Variants in MYOF observed in about 807,000 individuals in gnomAD.
MYOF encodes fer-1-like 3, myoferlin.
MYOF carries 244 observed loss-of-function variants against 284.2 expected under a neutral mutation model. That is an observed-to-expected ratio of 0.86 (90% CI 0.77 to 0.95). The LOEUF (loss-of-function observed/expected upper bound fraction) is 0.95. Ranked by LOEUF, MYOF falls within the 40% of genes least tolerant of loss-of-function variation. The probability of loss-of-function intolerance (pLI) is 0.00; values close to 1 mark genes in which losing one functional copy is unlikely to be tolerated. For synonymous variants in MYOF, 904 were observed against 919.7 expected, an observed-to-expected ratio of 0.98 and a Z score of 0.31; for missense variants, 2,496 against 2,560.6, an observed-to-expected ratio of 0.97 and a Z score of 0.54.
intron 24 of MYOF, among the ~76,000 whole-genome samples, chr10:93,370,314 A>ATTTTTTTTTT (rs916555324): frequency 2.2e-4 from 27 of 122,420 alleles, no homozygotes; most frequent in African/African-American, 7.8e-4. Context: ...ATGATTACTA[A>ATTTTTTTTTT]TTTTTTTTTT....
intron 1 of MYOF, among the ~76,000 whole-genome samples, chr10:93,475,456 A>AT: frequency 6.6e-6 from 1 of 152,224 alleles, no homozygotes; most frequent in Non-Finnish European, 1.5e-5. Context: ...GGTTGTACTC[A>AT]GGGTTCATGA....
At chr10:93,332,740 G>A (rs1486743354) in intron 43 of MYOF, among the ~76,000 whole-genome samples, 3 of 152,050 alleles carry the variant, frequency 2.0e-5, no homozygotes, top group South Asian at 2.1e-4. Flanking sequence ...CCAGCTACTC[G>A]GGAGGCTGAG....
At chr10:93,315,394 G>T (rs1199881451) in intron 50 of MYOF, among the ~76,000 whole-genome samples, 1 of 152,182 alleles carries the variant, frequency 6.6e-6, no homozygotes, top group African/African-American at 2.4e-5. Flanking sequence ...GACATTGCTA[G>T]AATGGAGTGG....
Position 93,340,121 on chromosome 10 carries a change from C to T in MYOF, c.4338+32G>A, listed in dbSNP as rs199797735. Reference sequence around the variant, plus strand: ...AATTCTGGGCAGAAAATACATGAATCTTAAATGTAGCAAAATGTATACCAT... The same window carrying T: ...AATTCTGGGCAGAAAATACATGAATTTTAAATGTAGCAAAATGTATACCAT... On this transcript the variant is annotated intron_variant, in intron 39 of 53. Transcript: ENST00000359263. 689 of 1,612,428 alleles carry T rather than the reference C, an allele frequency of 4.3e-4. 3 individuals carry two copies. The African/African-American group carries it at 8.4e-3, about 20-fold the overall frequency.
At chr10:93,347,507 G>A (rs2133871545) in intron 37 of MYOF, 110 bp downstream of exon 37, 2 of 1,007,444 alleles carry the variant, frequency 2.0e-6, no homozygotes, top group Non-Finnish European at 2.6e-6. Flanking sequence ...AGCCGAGATT[G>A]CGCCACTGCA....
intron 4 of MYOF, among the ~76,000 whole-genome samples, chr10:93,426,882 G>GT (rs1564709386): frequency 1.1e-5 from 1 of 93,352 alleles, no homozygotes; most frequent in African/African-American, 3.0e-5. Context: ...GAACGAGACT[G>GT]TCTTTTTTTT....
chr10:93,425,092 C>T (rs1307121959), intron 5 of MYOF, among the ~76,000 whole-genome samples: 3 of 151,994 alleles, frequency 2.0e-5, no homozygotes, highest in Admixed American at 2.0e-4. Flanking sequence ...GCCTTCACCA[C>T]CACACCTGGC....
intron 20 of MYOF, among the ~76,000 whole-genome samples, chr10:93,380,377 C>T (rs1846057300): frequency 6.6e-6 from 1 of 152,082 alleles, no homozygotes; most frequent in African/African-American, 2.4e-5. Context: ...GGAACTGGGG[C>T]AAAAGAAAAG....
intron 37 of MYOF, 44 bp downstream of exon 37, chr10:93,347,573 A>G (rs1254939961): frequency 4.7e-6 from 7 of 1,474,724 alleles, no homozygotes; most frequent in African/African-American, 1.4e-5. Context: ...AAAAAAAAAA[A>G]AAAAAGAAAA....
chr10:93,318,999 C>T (rs895237115), intron 49 of MYOF, among the ~76,000 whole-genome samples: 8 of 152,248 alleles, frequency 5.3e-5, no homozygotes, highest in East Asian at 3.9e-4. Flanking sequence ...TTTTCCTTAG[C>T]GGACTCCCCT....
At chr10:93,464,019 G>C (rs2056947149) in intron 1 of MYOF, among the ~76,000 whole-genome samples, 1 of 138,342 alleles carries the variant, frequency 7.2e-6, no homozygotes, top group Non-Finnish European at 1.7e-5. Context: ...CATAAGTCCA[G>C]ATGTTGCTGT....
chr10:93,455,508 A>C (rs2134322150), intron 2 of MYOF, among the ~76,000 whole-genome samples: 1 of 152,110 alleles, frequency 6.6e-6, no homozygotes, highest in Admixed American at 6.5e-5. Flanking sequence ...TCTCTACAAA[A>C]AATAAAACAA....
intron 26 of MYOF, among the ~76,000 whole-genome samples, chr10:93,365,078 A>G (rs1332215724): frequency 2.0e-5 from 3 of 151,920 alleles, no homozygotes; most frequent in African/African-American, 7.3e-5. Flanking sequence ...TCCCTCACCA[A>G]TTTCCCCCAA....
intron 1 of MYOF, among the ~76,000 whole-genome samples, chr10:93,479,188 T>C (rs1349333845): frequency 6.6e-6 from 1 of 151,818 alleles, no homozygotes; most frequent in Non-Finnish European, 1.5e-5. Flanking sequence ...TCTCCCAGGC[T>C]GGAGTGCAGT....
In MYOF at chr10:93,366,563, A is replaced by G. The variant is rs756436119; in HGVS notation, c.2590-8T>C. The G allele has an allele frequency of 1.3e-6, 2 of 1,586,200 alleles. No homozygotes were observed. The highest frequency in any genetic ancestry group is 1.4e-5 in the African/African-American group (1 of 73,294). ...GAGAGCTTGATTTTCATACTATTAA[A>G]AAAGAGATAAAATTGGAGAAACACC... is the stretch of plus-strand genomic sequence containing the variant. On this transcript the variant is annotated splice_region_variant and splice_polypyrimidine_tract_variant and intron_variant, in intron 25 of 53. Coordinates refer to ENST00000359263, the MANE Select transcript of MYOF (RefSeq NM_013451.4).
chr10:93,478,768 C>T (rs888124334), intron 1 of MYOF, among the ~76,000 whole-genome samples: 12 of 148,578 alleles, frequency 8.1e-5, no homozygotes, highest in Non-Finnish European at 1.3e-4. Flanking sequence ...GAGTTCGAGA[C>T]CATGATCACA....
At chr10:93,354,250 C>T (rs1589434173) in intron 31 of MYOF, among the ~76,000 whole-genome samples, 1 of 152,004 alleles carries the variant, frequency 6.6e-6, no homozygotes, top group East Asian at 1.9e-4. Context: ...TGGTGGTGCA[C>T]GTCTGTAATC....
intron 3 of MYOF, among the ~76,000 whole-genome samples, chr10:93,448,323 C>T (rs1302370097): frequency 6.6e-6 from 1 of 152,054 alleles, no homozygotes; most frequent in East Asian, 1.9e-4. Flanking sequence ...CTTATCACCA[C>T]CTCACATAAA....
chr10:93,333,635 T>C, intron 42 of MYOF, 123 bp downstream of exon 42: 1 of 1,309,688 alleles, frequency 7.6e-7, no homozygotes, highest in South Asian at 1.4e-5. Flanking sequence ...ATACATTGTT[T>C]TGATGGAGTA....
Sources: gnomAD v4.1 joint callset for allele counts (sites outside exome capture counted in the v4.1 genomes callset) on GRCh38, gnomAD v4.1.1 for gene constraint, MANE v1.5 for transcripts, NCBI Gene and HGNC (gene_info 2026-07-23, HGNC 2026-07-21) for gene names.